Variants in RAPGEF2 observed in about 807,000 individuals in gnomAD.
RAPGEF2 encodes Rap guanine nucleotide exchange factor 2.
A neutral mutation model predicts 186.7 loss-of-function variants in RAPGEF2; 54 were observed. The observed-to-expected ratio is 0.29, with a 90% confidence interval of 0.23 to 0.36. RAPGEF2 has a LOEUF of 0.36. Ranked by LOEUF, RAPGEF2 falls within the 10% of genes least tolerant of loss-of-function variation. RAPGEF2 has a pLI of 1.00. For synonymous variants in RAPGEF2, 712 were observed against 705.9 expected (o/e 1.01, Z -0.14); for missense variants, 1,532 against 2,045.0 (o/e 0.75, Z 4.84).
chr4:159,323,580 T>C lies in RAPGEF2; in HGVS notation c.1112T>C (p.Met371Thr). 6.2e-7 allele frequency: 1 copy of C among 1,609,628 alleles called. No homozygotes were observed. The highest frequency in any genetic ancestry group is 8.5e-7 in the Non-Finnish European group (1 of 1,177,546). The change falls in exon 11 of 30, where the codon ATG (methionine) becomes ACG (threonine). Residue 371 changes from methionine to threonine, a missense_variant. This residue lies in a region of RAPGEF2 where 810 missense variants were observed against 1,210.5 expected (regional missense o/e 0.67). Coordinates refer to ENST00000691494, the MANE Select transcript of RAPGEF2 (RefSeq NM_001394067.2). ...GVSPTMDKEY[M>T]KGVMRTKVDD... ...TCTCCTACCATGGACAAAGAATACA[T>C]GAAAGGAGTGATGAGAACAAAGGTG...
chr4:159,314,653 C>T lies in RAPGEF2; in HGVS notation c.738C>T (p.Ser246=), dbSNP rs774392803. ...LSGLPETAVD[S]EDDDDEEDIE... ...GGTTGCCAGAAACAGCAGTGGATTC[C>T]GAAGACGACGACGATGAAGAAGACA... Residue 246 remains serine, a synonymous_variant, in exon 9 of 30, where the codon TCC becomes TCT. Transcript: ENST00000691494. The T allele has an allele frequency of 2.1e-5, 34 of 1,613,774 alleles. No homozygotes were observed. Among genetic ancestry groups the T allele is most frequent in the East Asian group, 4.5e-5 (2 of 44,818 alleles).
chr4:159,173,314 G>A (rs908816469), intron 1 of RAPGEF2, among the ~76,000 whole-genome samples: 1 of 152,102 alleles, frequency 6.6e-6, no homozygotes, highest in African/African-American at 2.4e-5. Context: ...ATTCCGCTTT[G>A]CTTTTATTAA....
chr4:159,205,593 T>G (rs2111355610), intron 3 of RAPGEF2, among the ~76,000 whole-genome samples: 1 of 152,320 alleles, frequency 6.6e-6, no homozygotes, highest in East Asian at 1.9e-4. Flanking sequence ...GATTGGATCA[T>G]GGGGGCAGAT....
intron 7 of RAPGEF2, among the ~76,000 whole-genome samples, chr4:159,302,888 C>A (rs1304831906): frequency 1.3e-5 from 2 of 151,772 alleles, no homozygotes; most frequent in Non-Finnish European, 2.9e-5. Context: ...TTACCAGTTT[C>A]TTTAAAAACA....
At chr4:159,107,926 A>G (rs1738054869) in intron 1 of RAPGEF2, among the ~76,000 whole-genome samples, 1 of 152,154 alleles carries the variant, frequency 6.6e-6, no homozygotes, top group African/African-American at 2.4e-5. Context: ...CTCTCATTAT[A>G]TTTTAGCCCA....
chr4:159,151,713 A>G (rs960341461), intron 1 of RAPGEF2, among the ~76,000 whole-genome samples: 80 of 152,104 alleles, frequency 5.3e-4, no homozygotes, highest in Admixed American at 5.2e-3. Context: ...AGGTATGTAA[A>G]GGCCAGTATC....
chr4:159,165,462 T>C lies in RAPGEF2; in HGVS notation c.70-21180T>C, dbSNP rs535323939. Reference sequence around the variant, plus strand: ...GTATGTATATCTATATATCTCTATCTGTATACATAAATATAATTAAATGTG... The same window carrying C: ...GTATGTATATCTATATATCTCTATCCGTATACATAAATATAATTAAATGTG... On this transcript the variant is annotated intron_variant, in intron 1 of 29. Coordinates refer to ENST00000691494, the MANE Select transcript of RAPGEF2 (RefSeq NM_001394067.2). 1.6e-4 allele frequency among the ~76,000 whole-genome samples: 25 copies of C among 152,334 alleles called. No individual in the cohort carries two copies. The South Asian group carries it at 4.8e-3, about 29-fold the overall frequency.
At position 159,247,755 on chromosome 4, in the gene RAPGEF2, CTTTTTTTTTTTTT is replaced by C. The variant is rs56053207; in HGVS notation, c.543+3977_543+3989del. Among the ~76,000 whole-genome samples, 342 of 83,476 alleles carry C rather than the reference CTTTTTTTTTTTTT, an allele frequency of 4.1e-3. 2 individuals are homozygous for C. The highest frequency in any genetic ancestry group is 0.015 in the African/African-American group (317 of 21,166). 54.8% of individuals were successfully genotyped at this position (83,476 alleles called of 152,430 possible). On this transcript the variant is annotated intron_variant, in intron 7 of 29. Coordinates refer to ENST00000691494, the MANE Select transcript of RAPGEF2 (RefSeq NM_001394067.2). ...AGAAGAAAGTAGAAATAATTTGTTT[CTTTTTTTTTTTTT>C]TTTTTTTTTTTTGAGGCAGAATTTC...
chr4:159,196,020 A>G (rs1405043310), intron 3 of RAPGEF2, among the ~76,000 whole-genome samples: 1 of 151,588 alleles, frequency 6.6e-6, no homozygotes, highest in Admixed American at 6.6e-5. Flanking sequence ...TGATTGTAGC[A>G]CCTGCCCGTA....
intron 7 of RAPGEF2, among the ~76,000 whole-genome samples, chr4:159,269,228 C>A (rs547082772): frequency 1.3e-5 from 2 of 152,184 alleles, no homozygotes; most frequent in African/African-American, 4.8e-5. Context: ...TTGTTAGGAA[C>A]AAAATTACTA....
intron 3 of RAPGEF2, among the ~76,000 whole-genome samples, chr4:159,198,109 TTTACA>T (rs1190006906): frequency 2.6e-5 from 4 of 152,152 alleles, no homozygotes; most frequent in Non-Finnish European, 5.9e-5. Context: ...TTTATTTTAC[TTTACA>T]TCACAGTAAA....
At chr4:159,145,967 A>G (rs1405160507) in intron 1 of RAPGEF2, among the ~76,000 whole-genome samples, 3 of 152,180 alleles carry the variant, frequency 2.0e-5, no homozygotes, top group Non-Finnish European at 4.4e-5. Context: ...TTGATAGGTA[A>G]ACTGTCACCA....
chr4:159,154,434 G>A (rs1459517135), intron 1 of RAPGEF2, among the ~76,000 whole-genome samples: 1 of 151,420 alleles, frequency 6.6e-6, no homozygotes, highest in Non-Finnish European at 1.5e-5. Flanking sequence ...TTTGGAGAAT[G>A]CATACTCGGT....
chr4:159,295,890 T>C (rs1761958052), intron 7 of RAPGEF2, among the ~76,000 whole-genome samples: 1 of 152,198 alleles, frequency 6.6e-6, no homozygotes, highest in African/African-American at 2.4e-5. Context: ...TTTTATATAA[T>C]GAAGTTCTCT....
chr4:159,350,608 A>T (rs1041900657), intron 26 of RAPGEF2, among the ~76,000 whole-genome samples: 2 of 152,234 alleles, frequency 1.3e-5, no homozygotes, highest in African/African-American at 2.4e-5. Flanking sequence ...TGGTTATATG[A>T]CATTAGTACA....
chr4:159,195,524 A>G lies in RAPGEF2; in HGVS notation c.197+2268A>G, dbSNP rs191818885. ...ATTCTTCGTGGATATCTTGTGAAGT[A>G]CTTGTTATCATTATCCCAGCTGGAC... On this transcript the variant is annotated intron_variant, in intron 3 of 29. Transcript: ENST00000691494. Among the ~76,000 whole-genome samples the G allele has an allele frequency of 5.6e-4, 85 of 152,330 alleles. 1 individual carries two copies. The highest frequency in any genetic ancestry group is 5.2e-3 in the Admixed American group (79 of 15,294).
intron 3 of RAPGEF2, among the ~76,000 whole-genome samples, chr4:159,197,431 A>C (rs1748759649): frequency 6.6e-6 from 1 of 152,080 alleles, no homozygotes; most frequent in Non-Finnish European, 1.5e-5. Flanking sequence ...GTGTCCACAC[A>C]CACACACGCC....
intron 23 of RAPGEF2, among the ~76,000 whole-genome samples, 173 bp from the exon 24 acceptor site, chr4:159,344,929 TTTTC>T (rs1306627892): frequency 6.6e-6 from 1 of 152,208 alleles, no homozygotes; most frequent in Non-Finnish European, 1.5e-5. Context: ...TTATGTGTAA[TTTTC>T]TTTAAATTTT....
intron 7 of RAPGEF2, among the ~76,000 whole-genome samples, chr4:159,269,196 G>T (rs190033363): frequency 1.3e-5 from 2 of 152,180 alleles, no homozygotes; most frequent in Non-Finnish European, 2.9e-5. Context: ...TGAGGTTCAT[G>T]AGTACAATTT....
Sources: gnomAD v4.1 joint callset for allele counts (sites outside exome capture counted in the v4.1 genomes callset) on GRCh38, gnomAD v4.1.1 for gene constraint, gnomAD v4.1.1 regional missense constraint, MANE v1.5 for transcripts, NCBI Gene and HGNC (gene_info 2026-07-23, HGNC 2026-07-21) for gene names.